GABRA5: variants seen among roughly 807,000 people sequenced by gnomAD.
GABRA5 encodes the protein gamma-aminobutyric acid type A receptor subunit alpha5, also known as gamma-aminobutyric acid receptor subunit alpha-5.
GABRA5 carries 18 observed loss-of-function variants against 47.3 expected under a neutral mutation model. The ratio of observed to expected loss-of-function variants is 0.38; its 90% CI spans 0.26 to 0.56. The LOEUF is 0.56. Among genes scored for constraint, GABRA5 ranks in the 20% least tolerant of loss-of-function variants. GABRA5 has a pLI of 0.71. For missense variants in GABRA5, 365 were observed against 599.3 expected (o/e 0.61, Z 4.08); for synonymous variants, 237 against 229.3 (o/e 1.03, Z -0.30).
intron 7 of GABRA5, among the ~76,000 whole-genome samples, chr15:26,936,442 G>C (rs911750151): frequency 2.0e-5 from 3 of 152,140 alleles, no homozygotes; most frequent in Non-Finnish European, 4.4e-5. Flanking sequence ...GAGCCCTTTT[G>C]TCATGCTTCT....
chr15:26,884,386 C>A (rs1227310766), intron 6 of GABRA5, among the ~76,000 whole-genome samples: 2 of 151,916 alleles, frequency 1.3e-5, no homozygotes, highest in Non-Finnish European at 1.5e-5. Context: ...GATAAATCAA[C>A]AAATTGGTCA....
At chr15:26,868,847 A>G (rs1892391816) in intron 2 of GABRA5, 54 bp downstream of exon 2, 1 of 165,992 alleles carries the variant, frequency 6.0e-6, no homozygotes, top group Admixed American at 5.8e-5. Context: ...TCGCTCAGAT[A>G]ACTACAGCGT....
At chr15:26,866,972 C>G (rs1446039687), upstream of GABRA5, 1 of 152,272 alleles carries the variant, frequency 6.6e-6, no homozygotes, top group Non-Finnish European at 1.5e-5. Flanking sequence ...CCTTGCAGGC[C>G]GAGCCGGGGG....
In GABRA5 at chr15:26,931,084, A is replaced by G. The variant is rs563128017; in HGVS notation, c.581-6101A>G. On this transcript the variant is annotated intron_variant, in intron 7 of 10. Coordinates refer to ENST00000335625, the MANE Select transcript of GABRA5 (RefSeq NM_000810.4). ...CTAATTTTTGTATTTTTTTTGGTAG[A>G]GACGGGGTTTCACCATGTTGGCCAG... 4.6e-5 allele frequency among the ~76,000 whole-genome samples: 7 copies of G among 150,594 alleles called. 1 individual carries two copies. The East Asian group carries it at 1.4e-3, about 29-fold the overall frequency.
At chr15:26,925,270 C>T (rs1186303778) in intron 7 of GABRA5, among the ~76,000 whole-genome samples, 1 of 151,842 alleles carries the variant, frequency 6.6e-6, no homozygotes, top group African/African-American at 2.4e-5. Flanking sequence ...TGTACTACAC[C>T]TTTTGGTATA....
intron 6 of GABRA5, among the ~76,000 whole-genome samples, chr15:26,909,205 C>T (rs1190044821): frequency 6.6e-6 from 1 of 152,112 alleles, no homozygotes; most frequent in Non-Finnish European, 1.5e-5. Flanking sequence ...CATGGTCCTG[C>T]GTCACTCTTG....
chr15:26,923,881 G>A (rs1458610883), intron 7 of GABRA5, among the ~76,000 whole-genome samples: 3 of 151,642 alleles, frequency 2.0e-5, no homozygotes, highest in South Asian at 4.2e-4. Flanking sequence ...TTTTTATCAT[G>A]GATATTTTAC....
At position 26,869,215 on chromosome 15, in the gene GABRA5, T is replaced by G; in HGVS notation, c.-34T>G. 1 of 1,288,936 alleles carries G rather than the reference T, an allele frequency of 7.8e-7. No homozygotes were observed. The highest frequency in any genetic ancestry group is 1.1e-6 in the Non-Finnish European group (1 of 883,228). 79.8% of individuals were successfully genotyped at this position (1,288,936 alleles called of 1,614,324 possible). Reference sequence around the variant, plus strand: ...GGAGAAGGGAAGAGTTATTCCTCCATATTCACCTGCTTCAACTACTATTCT... The same window carrying G: ...GGAGAAGGGAAGAGTTATTCCTCCAGATTCACCTGCTTCAACTACTATTCT... On this transcript the variant is annotated 5_prime_UTR_variant, in exon 3 of 11. Coordinates refer to ENST00000335625, the MANE Select transcript of GABRA5 (RefSeq NM_000810.4).
intron 6 of GABRA5, among the ~76,000 whole-genome samples, chr15:26,904,905 A>C (rs1206756876): frequency 6.6e-6 from 1 of 152,190 alleles, no homozygotes; most frequent in Non-Finnish European, 1.5e-5. Context: ...ATCTGCAAAC[A>C]GGGATAGTTT....
At chr15:26,911,778 C>G (rs1893600448) in intron 6 of GABRA5, among the ~76,000 whole-genome samples, 1 of 152,174 alleles carries the variant, frequency 6.6e-6, no homozygotes, top group Non-Finnish European at 1.5e-5. Flanking sequence ...AACTCGGACT[C>G]TCCAAGTTGT....
intron 7 of GABRA5, among the ~76,000 whole-genome samples, chr15:26,923,129 T>G (rs1447349880): frequency 2.0e-5 from 3 of 152,214 alleles, no homozygotes; most frequent in Non-Finnish European, 4.4e-5. Context: ...TCAAACTTAA[T>G]TTTGAAAACT....
At chr15:26,918,966 C>A (rs113601577) in intron 7 of GABRA5, among the ~76,000 whole-genome samples, 9,634 of 152,038 alleles carry the variant, frequency 0.063, 1,044 homozygotes, top group African/African-American at 0.22. Flanking sequence ...TGGGAAAACA[C>A]CATCTCTACA....
At chr15:26,884,026 A>AC (rs397775867) in intron 6 of GABRA5, among the ~76,000 whole-genome samples, 1 of 151,262 alleles carries the variant, frequency 6.6e-6, no homozygotes, top group Non-Finnish European at 1.5e-5. Context: ...AACAAAAAAA[A>AC]ACAAAAAAGA....
chr15:26,899,187 T>C lies in GABRA5; in HGVS notation c.498-15616T>C, dbSNP rs192267934. ...CTCAAAATTTTTAAAATTTCTCTTA[T>C]GATGTACTCTTTGACCCATTTGTTA... is the stretch of plus-strand genomic sequence containing the variant. On this transcript the variant is annotated intron_variant, in intron 6 of 10. Transcript: ENST00000335625. 3.3e-5 allele frequency among the ~76,000 whole-genome samples: 5 copies of C among 152,340 alleles called. No individual in the cohort carries two copies. The East Asian group carries it at 9.6e-4, about 29-fold the overall frequency.
At chr15:26,910,080 CT>C (rs747153192) in intron 6 of GABRA5, among the ~76,000 whole-genome samples, 2 of 121,138 alleles carry the variant, frequency 1.7e-5, no homozygotes, top group South Asian at 2.6e-4. Context: ...GTTTTTTTTT[CT>C]TTTTTTTGAC....
chr15:26,912,972 C>A (rs193085704), intron 6 of GABRA5, among the ~76,000 whole-genome samples: 56 of 152,236 alleles, frequency 3.7e-4, no homozygotes, highest in Middle Eastern at 6.8e-3. Flanking sequence ...CACCTGAGGT[C>A]GGGAGTTTGA....
intron 3 of GABRA5, among the ~76,000 whole-genome samples, chr15:26,869,874 A>C (rs1319151673): frequency 6.6e-6 from 1 of 152,230 alleles, no homozygotes; most frequent in Non-Finnish European, 1.5e-5. Flanking sequence ...TGAAGATCTG[A>C]AAGACACCCC....
At chr15:26,898,730 CTTT>C (rs368760892) in intron 6 of GABRA5, among the ~76,000 whole-genome samples, 52 of 142,494 alleles carry the variant, frequency 3.6e-4, no homozygotes, top group Non-Finnish European at 6.4e-4. Context: ...TTAGCGTGCT[CTTT>C]TTTTTTTTTT....
chr15:26,895,982 T>C (rs150484972), intron 6 of GABRA5, among the ~76,000 whole-genome samples: 14,075 of 151,762 alleles, frequency 0.093, 885 homozygotes, highest in East Asian at 0.19. Context: ...TGCACAGTGG[T>C]CCGGATCCCC....
Sources: gnomAD v4.1 joint callset for allele counts (sites outside exome capture counted in the v4.1 genomes callset) on GRCh38, gnomAD v4.1.1 for gene constraint, MANE v1.5 for transcripts, NCBI Gene and HGNC (gene_info 2026-07-23, HGNC 2026-07-21) for gene names.